AKAP6: variants seen among roughly 807,000 people sequenced by gnomAD.
The protein encoded by AKAP6 is A-kinase anchoring protein 6.
AKAP6 carries 58 observed loss-of-function variants against 188.5 expected under a neutral mutation model. The ratio of observed to expected loss-of-function variants is 0.31; its 90% CI spans 0.25 to 0.38. The LOEUF (loss-of-function observed/expected upper bound fraction) is 0.38. Ranked by LOEUF, AKAP6 falls within the 10% of genes least tolerant of loss-of-function variation. AKAP6 has a pLI of 1.00. For synonymous variants in AKAP6, 989 were observed against 998.6 expected (o/e 0.99, Z 0.18); for missense variants, 2,710 against 2,740.0 (o/e 0.99, Z 0.24).
In AKAP6 at chr14:32,821,591, G is replaced by T. The variant is rs1451222083; in HGVS notation, c.3778G>T (p.Gly1260Cys). The change falls in exon 13 of 14, where the codon GGT becomes TGT. Residue 1260 changes from glycine to cysteine, a missense_variant. Coordinates refer to ENST00000280979, the MANE Select transcript of AKAP6 (RefSeq NM_004274.5). The stretch of plus-strand genomic sequence containing the variant: ...TGGAGAGACAAGTAATGAGGACCCT[G>T]GTTATGACGAGGAGGCTGATAACCA... ...KLGETSNEDP[G>C]YDEEADNHGG... The T allele has an allele frequency of 1.2e-6, 2 of 1,613,628 alleles. No homozygotes were observed. The highest frequency in any genetic ancestry group is 1.7e-6 in the Non-Finnish European group (2 of 1,179,832).
intron 4 of AKAP6, among the ~76,000 whole-genome samples, chr14:32,548,848 C>T (rs1056924956): frequency 6.6e-6 from 1 of 152,190 alleles, no homozygotes; most frequent in African/African-American, 2.4e-5. Flanking sequence ...CCCATTCAGA[C>T]TGGATAGAGA....
At chr14:32,411,457 C>A (rs1241183986) in intron 1 of AKAP6, among the ~76,000 whole-genome samples, 1 of 152,106 alleles carries the variant, frequency 6.6e-6, no homozygotes, top group African/African-American at 2.4e-5. Flanking sequence ...GGTGTCCCTG[C>A]CTTCAACATT....
At chr14:32,775,545 A>G (rs2033033304) in intron 12 of AKAP6, among the ~76,000 whole-genome samples, 1 of 149,476 alleles carries the variant, frequency 6.7e-6, no homozygotes, top group Non-Finnish European at 1.5e-5. Context: ...TGATCCCCCC[A>G]CCTCAACCTC....
chr14:32,359,723 G>A (rs760180165), intron 1 of AKAP6, among the ~76,000 whole-genome samples: 5 of 152,154 alleles, frequency 3.3e-5, no homozygotes, highest in Admixed American at 1.3e-4. Flanking sequence ...AAGACTAATG[G>A]TCAGGTATTT....
In AKAP6 at chr14:32,728,383, TATCTATCTATCA is replaced by T. The variant is rs1275865011; in HGVS notation, c.3001-4067_3001-4056del. Among the ~76,000 whole-genome samples, 8 of 150,432 alleles carry T rather than the reference TATCTATCTATCA, an allele frequency of 5.3e-5. No individual in the cohort carries two copies. In the East Asian group the frequency reaches 1.0e-3, roughly 19 times the overall value. The stretch of plus-strand genomic sequence containing the variant: ...CTATCTATCTATCTATCTATCTATC[TATCTATCTATCA>T]ATCGTATCTATCAGTCAATCATGCA... On this transcript the variant is annotated intron_variant, in intron 9 of 13. Coordinates refer to ENST00000280979, the MANE Select transcript of AKAP6 (RefSeq NM_004274.5).
intron 10 of AKAP6, among the ~76,000 whole-genome samples, chr14:32,735,292 A>T: frequency 6.6e-6 from 1 of 152,174 alleles, no homozygotes; most frequent in Non-Finnish European, 1.5e-5. Context: ...TCCTATCATG[A>T]TAATTCAAAT....
At chr14:32,505,831 T>C (rs953162797) in intron 2 of AKAP6, among the ~76,000 whole-genome samples, 1 of 152,214 alleles carries the variant, frequency 6.6e-6, no homozygotes, top group African/African-American at 2.4e-5. Context: ...TGAAATCTCC[T>C]TTAGACATTT....
chr14:32,783,574 G>T (rs1370254851), intron 12 of AKAP6, among the ~76,000 whole-genome samples: 1 of 152,088 alleles, frequency 6.6e-6, no homozygotes, highest in African/African-American at 2.4e-5. Context: ...GAGTATCCTT[G>T]TCTTGGTATA....
At chr14:32,695,947 T>A in intron 8 of AKAP6, 43 bp from the exon 9 acceptor site, 1 of 1,579,844 alleles carries the variant, frequency 6.3e-7, no homozygotes, top group Non-Finnish European at 8.6e-7. Flanking sequence ...TTTTAACAAC[T>A]ACACTGTATT....
At chr14:32,429,810 A>G (rs908276500) in intron 1 of AKAP6, among the ~76,000 whole-genome samples, 1 of 152,256 alleles carries the variant, frequency 6.6e-6, no homozygotes, top group African/African-American at 2.4e-5. Flanking sequence ...TTATAGTTAC[A>G]GGAAAATTTT....
intron 12 of AKAP6, among the ~76,000 whole-genome samples, chr14:32,800,185 TACACATATATATACATATATATAC>T (rs2033906835): frequency 7.0e-6 from 1 of 142,808 alleles, no homozygotes; most frequent in Admixed American, 7.0e-5. Context: ...CATATATATA[TACACATATATATACATATATATAC>T]ACACATCTAT....
chr14:32,776,846 A>G (rs760585713), intron 12 of AKAP6, among the ~76,000 whole-genome samples: 2 of 152,156 alleles, frequency 1.3e-5, no homozygotes, highest in Non-Finnish European at 2.9e-5. Flanking sequence ...GTGGAGTCTA[A>G]GGAGGCTAAA....
intron 11 of AKAP6, among the ~76,000 whole-genome samples, chr14:32,772,389 A>G (rs1225905582): frequency 1.3e-5 from 2 of 152,336 alleles, no homozygotes; most frequent in East Asian, 3.9e-4. Flanking sequence ...AAATTGAATA[A>G]TAAAATTTCT....
At chr14:32,709,857 A>C (rs1370133899) in intron 9 of AKAP6, among the ~76,000 whole-genome samples, 1 of 152,058 alleles carries the variant, frequency 6.6e-6, no homozygotes, top group African/African-American at 2.4e-5. Flanking sequence ...CAAGTTAGAA[A>C]ATTTTTTGGT....
At chr14:32,671,321 T>C (rs1889183303) in intron 7 of AKAP6, among the ~76,000 whole-genome samples, 1 of 152,040 alleles carries the variant, frequency 6.6e-6, no homozygotes, top group Admixed American at 6.6e-5. Context: ...GCATGAGGAA[T>C]GTGGACCAAA....
intron 4 of AKAP6, among the ~76,000 whole-genome samples, chr14:32,549,283 G>A (rs1465374854): frequency 6.6e-6 from 1 of 152,176 alleles, no homozygotes; most frequent in Admixed American, 6.5e-5. Context: ...GTATTGTAGA[G>A]TAGTAATAAT....
chr14:32,672,871 A>G (rs1889271143), intron 7 of AKAP6, among the ~76,000 whole-genome samples: 1 of 152,182 alleles, frequency 6.6e-6, no homozygotes, highest in African/African-American at 2.4e-5. Context: ...ATTTGGACTA[A>G]TCCATTAGGC....
intron 2 of AKAP6, among the ~76,000 whole-genome samples, chr14:32,466,658 C>A (rs1156763952): frequency 6.7e-6 from 1 of 149,004 alleles, no homozygotes; most frequent in Non-Finnish European, 1.5e-5. Flanking sequence ...CGGGTTGATA[C>A]ATGCAGCAAA....
chr14:32,778,922 AAAAT>A (rs2033153734), intron 12 of AKAP6, among the ~76,000 whole-genome samples: 2 of 151,888 alleles, frequency 1.3e-5, no homozygotes, highest in South Asian at 2.1e-4. Context: ...CATTTAAAAA[AAAAT>A]AAAAGAAAAA....
Sources: allele counts gnomAD v4.1 joint callset (sites outside exome capture counted in the v4.1 genomes callset), GRCh38; gene constraint gnomAD v4.1.1; transcripts MANE v1.5; gene names NCBI Gene and HGNC (gene_info 2026-07-23, HGNC 2026-07-21).